Variants in GAS2 observed in about 807,000 individuals in gnomAD.
GAS2 encodes growth arrest-specific protein 2.
A neutral mutation model predicts 37.5 loss-of-function variants in GAS2; 20 were observed. The observed-to-expected ratio is 0.53, with a 90% confidence interval of 0.37 to 0.77. The LOEUF (loss-of-function observed/expected upper bound fraction) is 0.77. Among genes scored for constraint, GAS2 ranks in the 30% least tolerant of loss-of-function variants. GAS2 has a pLI of 0.00. For missense variants in GAS2, 336 were observed against 373.4 expected, an observed-to-expected ratio of 0.90 and a Z score of 0.82; for synonymous variants, 144 against 132.2, an observed-to-expected ratio of 1.09 and a Z score of -0.61.
chr11:22,791,201 A>G (rs1325093671), intron 7 of GAS2, among the ~76,000 whole-genome samples: 1 of 152,176 alleles, frequency 6.6e-6, no homozygotes, highest in Non-Finnish European at 1.5e-5. Context: ...TGGATAATGG[A>G]ATTTCTTGTG....
intron 3 of GAS2, among the ~76,000 whole-genome samples, chr11:22,708,710 G>A (rs1293164939): frequency 6.6e-6 from 1 of 152,146 alleles, no homozygotes; most frequent in Non-Finnish European, 1.5e-5. Flanking sequence ...CTAGGTGCTA[G>A]GAATAAGGTG....
intron 3 of GAS2, among the ~76,000 whole-genome samples, chr11:22,697,736 C>T (rs970558952): frequency 4.6e-5 from 7 of 152,142 alleles, no homozygotes; most frequent in Non-Finnish European, 1.0e-4. Context: ...GATGATTTGG[C>T]TCTCTGTTTG....
chr11:22,680,131 C>A (rs1849611042), intron 2 of GAS2, among the ~76,000 whole-genome samples: 1 of 151,992 alleles, frequency 6.6e-6, no homozygotes, highest in Admixed American at 6.6e-5. Flanking sequence ...TTTCTTGTGG[C>A]CCTTTTACCA....
chr11:22,764,451 T>G (rs906074725), intron 7 of GAS2, among the ~76,000 whole-genome samples: 7 of 151,182 alleles, frequency 4.6e-5, no homozygotes, highest in Non-Finnish European at 8.8e-5. Flanking sequence ...TCCCCGCTAC[T>G]CCGGAGGCTG....
intron 3 of GAS2, among the ~76,000 whole-genome samples, chr11:22,701,445 A>G (rs571711884): frequency 6.6e-6 from 1 of 152,278 alleles, no homozygotes; most frequent in Admixed American, 6.5e-5. Context: ...AAATGAAGAT[A>G]GAATACTCTC....
intron 2 of GAS2, among the ~76,000 whole-genome samples, chr11:22,679,563 C>A (rs1010389107): frequency 6.6e-6 from 1 of 151,976 alleles, no homozygotes; most frequent in African/African-American, 2.4e-5. Flanking sequence ...TATTGATGGA[C>A]TTTTTAAGAA....
chr11:22,734,133 T>G (rs1852624583), intron 4 of GAS2, among the ~76,000 whole-genome samples: 1 of 151,754 alleles, frequency 6.6e-6, no homozygotes, highest in Non-Finnish European at 1.5e-5. Flanking sequence ...ATTCAGTTAT[T>G]TTATCTTCTA....
At chr11:22,706,726 G>A (rs1470936896) in intron 3 of GAS2, among the ~76,000 whole-genome samples, 2 of 152,058 alleles carry the variant, frequency 1.3e-5, no homozygotes, top group African/African-American at 4.8e-5. Context: ...TCTTAATCCA[G>A]TCTATCACTG....
At chr11:22,777,133 A>T (rs1855299070) in intron 7 of GAS2, among the ~76,000 whole-genome samples, 1 of 152,130 alleles carries the variant, frequency 6.6e-6, no homozygotes, top group African/African-American at 2.4e-5. Context: ...TGATCTCTCT[A>T]AGATTTGTAA....
intron 5 of GAS2, among the ~76,000 whole-genome samples, chr11:22,746,969 C>T (rs1352831643): frequency 1.3e-5 from 2 of 152,018 alleles, no homozygotes; most frequent in Admixed American, 1.3e-4. Flanking sequence ...TGGTACTTGT[C>T]AAGAGCAAGG....
chr11:22,774,228 A>G (rs931768146), intron 7 of GAS2, among the ~76,000 whole-genome samples: 1 of 152,150 alleles, frequency 6.6e-6, no homozygotes, highest in South Asian at 2.1e-4. Flanking sequence ...TCCTGACCTC[A>G]GGTGATCGGC....
intron 6 of GAS2, among the ~76,000 whole-genome samples, chr11:22,750,761 A>G (rs1853682172): frequency 6.6e-6 from 1 of 151,948 alleles, no homozygotes; most frequent in African/African-American, 2.4e-5. Context: ...TTAGGGTAAG[A>G]TGTACCTCTA....
intron 7 of GAS2, among the ~76,000 whole-genome samples, chr11:22,758,431 A>T (rs1021720406): frequency 2.6e-5 from 4 of 152,204 alleles, no homozygotes; most frequent in African/African-American, 9.7e-5. Flanking sequence ...TGACACATAC[A>T]TTGTGTCTTA....
At chr11:22,688,386 C>T (rs1170815608) in intron 3 of GAS2, 8 of 151,972 alleles carry the variant, frequency 5.3e-5, no homozygotes, top group Non-Finnish European at 1.0e-4. Context: ...TGCCCAGTCT[C>T]GTCTGATCTC....
At chr11:22,745,132 A>AG (rs1853315622) in intron 5 of GAS2, among the ~76,000 whole-genome samples, 2 of 146,776 alleles carry the variant, frequency 1.4e-5, no homozygotes, top group African/African-American at 2.7e-5. Context: ...AAAAAAAAAA[A>AG]AGAAAGAAAA....
chr11:22,691,508 T>G (rs1399931776), intron 3 of GAS2, among the ~76,000 whole-genome samples: 1 of 152,184 alleles, frequency 6.6e-6, no homozygotes, highest in Non-Finnish European at 1.5e-5. Flanking sequence ...AGGTTTTGTA[T>G]GAAAAAGAAA....
chr11:22,789,303 TACACAC>T (rs201918939), intron 7 of GAS2, among the ~76,000 whole-genome samples: 3,583 of 110,986 alleles, frequency 0.032, 79 homozygotes, highest in South Asian at 0.04. Flanking sequence ...TATATATATA[TACACAC>T]ACACACACAC....
intron 7 of GAS2, among the ~76,000 whole-genome samples, chr11:22,760,778 T>C (rs1400405070): frequency 6.6e-6 from 1 of 152,220 alleles, no homozygotes; most frequent in Non-Finnish European, 1.5e-5. Context: ...TGATTTTTTT[T>C]CTGTTCTTCA....
rs558447179 is a variant in GAS2, at chr11:22,690,469, A to G, written c.267+4680A>G. On this transcript the variant is annotated intron_variant, in intron 3 of 7. Coordinates refer to ENST00000454584, the MANE Select transcript of GAS2 (RefSeq NM_001143830.3). ...GTAGTGGGCCATTTTCTAACTCTGC[A>G]TGGGAGCAATGCAGAGACTTCACAG... Among the ~76,000 whole-genome samples the G allele has an allele frequency of 3.9e-5, 6 of 152,262 alleles. No homozygotes were observed. In the East Asian group the frequency reaches 7.7e-4, roughly 20 times the overall value.
Sources: allele counts gnomAD v4.1 joint callset (sites outside exome capture counted in the v4.1 genomes callset), GRCh38; gene constraint gnomAD v4.1.1; transcripts MANE v1.5; gene names NCBI Gene and HGNC (gene_info 2026-07-23, HGNC 2026-07-21).